CCDC73: variants seen among roughly 807,000 people sequenced by gnomAD.
The protein encoded by CCDC73 is coiled-coil domain containing 73.
A neutral mutation model predicts 116.5 loss-of-function variants in CCDC73; 95 were observed. The ratio of observed to expected loss-of-function variants is 0.82; its 90% CI spans 0.69 to 0.97. The LOEUF (loss-of-function observed/expected upper bound fraction) is 0.97. Ranked by LOEUF, CCDC73 falls within the 50% of genes least tolerant of loss-of-function variation. The pLI, the probability that CCDC73 is intolerant of heterozygous loss-of-function variation, is 0.00. For synonymous variants in CCDC73, 398 were observed against 401.3 expected, an observed-to-expected ratio of 0.99 and a Z score of 0.10; for missense variants, 1,066 against 1,206.8, an observed-to-expected ratio of 0.88 and a Z score of 1.73.
intron 14 of CCDC73, among the ~76,000 whole-genome samples, chr11:32,621,427 A>G (rs1260134775): frequency 1.3e-5 from 2 of 152,220 alleles, no homozygotes; most frequent in African/African-American, 4.8e-5. Flanking sequence ...TGGGGCAAAG[A>G]TTCCCTATTT....
chr11:32,752,698 A>G (rs1850296886), intron 2 of CCDC73, among the ~76,000 whole-genome samples: 1 of 152,066 alleles, frequency 6.6e-6, no homozygotes, highest in African/African-American at 2.4e-5. Context: ...GATTACTTGT[A>G]TTTCTTCATC....
the CCDC73 span, among the ~76,000 whole-genome samples, chr11:32,813,678 AT>A: frequency 1.3e-5 from 2 of 152,210 alleles, no homozygotes; most frequent in African/African-American, 4.8e-5. Context: ...TTTAATCCTT[AT>A]AATTTGCAAT....
chr11:32,673,413 T>C (rs1389847846), intron 9 of CCDC73, among the ~76,000 whole-genome samples: 1 of 152,070 alleles, frequency 6.6e-6, no homozygotes, highest in Admixed American at 6.5e-5. Context: ...TTAAATTATA[T>C]TAAAATAGTG....
At chr11:32,667,034 G>A (rs896138277) in intron 9 of CCDC73, among the ~76,000 whole-genome samples, 4 of 152,184 alleles carry the variant, frequency 2.6e-5, no homozygotes, top group Non-Finnish European at 5.9e-5. Context: ...CGTCTCAGAG[G>A]GGCACACGGT....
At chr11:32,720,237 A>G (rs917246992) in intron 2 of CCDC73, among the ~76,000 whole-genome samples, 1 of 152,194 alleles carries the variant, frequency 6.6e-6, no homozygotes, top group Non-Finnish European at 1.5e-5. Flanking sequence ...AACAGTTGAA[A>G]ATCAATCAGT....
At position 32,698,521 on chromosome 11, in the gene CCDC73, C is replaced by G. The variant is rs271025; in HGVS notation, c.390+730G>C. 6.6e-3 allele frequency among the ~76,000 whole-genome samples: 1,008 copies of G among 152,286 alleles called. 15 individuals carry two copies. Among genetic ancestry groups the G allele is most frequent in the African/African-American group, 0.023 (955 of 41,552 alleles). On this transcript the variant is annotated intron_variant, in intron 6 of 17. Coordinates refer to ENST00000335185, the MANE Select transcript of CCDC73 (RefSeq NM_001008391.4). Reference sequence around the variant, plus strand: ...CTGTTTCATTATTAACATTGCTAGACTCGATCACTTGATTGAAGTGGTGAC... The same window carrying G: ...CTGTTTCATTATTAACATTGCTAGAGTCGATCACTTGATTGAAGTGGTGAC...
chr11:32,613,293 T>C (rs910466508), intron 16 of CCDC73, 129 bp downstream of exon 16: 5 of 761,916 alleles, frequency 6.6e-6, no homozygotes, highest in Non-Finnish European at 8.2e-6. Context: ...AACAAAAGAA[T>C]ATTAAGTTGT....
intron 2 of CCDC73, among the ~76,000 whole-genome samples, chr11:32,751,685 G>A (rs534694130): frequency 2.0e-5 from 3 of 152,298 alleles, no homozygotes; most frequent in Admixed American, 2.0e-4. Context: ...GGAGATTCAA[G>A]ACTGTCTTTC....
intron 9 of CCDC73, among the ~76,000 whole-genome samples, chr11:32,667,152 A>C (rs966045903): frequency 6.6e-6 from 1 of 152,196 alleles, no homozygotes; most frequent in Non-Finnish European, 1.5e-5. Flanking sequence ...CTCAGATCTC[A>C]AACTCCGTGC....
At chr11:32,818,983 A>G in the CCDC73 span, among the ~76,000 whole-genome samples, 1 of 152,164 alleles carries the variant, frequency 6.6e-6, no homozygotes, top group Non-Finnish European at 1.5e-5. Flanking sequence ...CCATAATTAG[A>G]TAGCGGTGTT....
intron 1 of CCDC73, among the ~76,000 whole-genome samples, chr11:32,768,504 CA>C (rs1424595485): frequency 6.6e-6 from 1 of 151,670 alleles, no homozygotes; most frequent in Non-Finnish European, 1.5e-5. Context: ...AAAAAGAAAG[CA>C]AAGAGGAAAA....
At chr11:32,801,007 A>G in the CCDC73 span, among the ~76,000 whole-genome samples, 10 of 152,200 alleles carry the variant, frequency 6.6e-5, no homozygotes, top group African/African-American at 2.4e-4. Context: ...CACTTGCTCT[A>G]TTCCTTAGTC....
chr11:32,684,908 G>T (rs116357205), intron 6 of CCDC73, among the ~76,000 whole-genome samples: 2 of 152,136 alleles, frequency 1.3e-5, no homozygotes, highest in African/African-American at 4.8e-5. Context: ...TTGAGCCCGG[G>T]GGGTGGAGGT....
chr11:32,607,617 A>G lies in CCDC73; in HGVS notation c.3030+3515T>C, dbSNP rs575334326. ...CAAGCTTCATGTTTGTTTTGATTCT[A>G]TGACTTACCCAATTGGGCAAGGTTA... On this transcript the variant is annotated intron_variant, in intron 17 of 17. Transcript: ENST00000335185. 1.4e-4 allele frequency among the ~76,000 whole-genome samples: 21 copies of G among 151,148 alleles called. No individual in the cohort carries two copies. The East Asian group carries it at 4.1e-3, about 29-fold the overall frequency.
chr11:32,811,826 G>A, the CCDC73 span, among the ~76,000 whole-genome samples: 1 of 152,060 alleles, frequency 6.6e-6, no homozygotes, highest in East Asian at 1.9e-4. Flanking sequence ...CTCCCACTAG[G>A]CCTACCTCCA....
At chr11:32,698,797 ATTAG>A (rs1849781577) in intron 6 of CCDC73, among the ~76,000 whole-genome samples, 1 of 152,200 alleles carries the variant, frequency 6.6e-6, no homozygotes, top group Admixed American at 6.5e-5. Flanking sequence ...ATGAATCATC[ATTAG>A]TTAAATACTT....
At chr11:32,785,266 A>T (rs1190749059) in intron 1 of CCDC73, among the ~76,000 whole-genome samples, 1 of 152,240 alleles carries the variant, frequency 6.6e-6, no homozygotes, top group African/African-American at 2.4e-5. Context: ...AATTTTATGT[A>T]AATGTAAATA....
chr11:32,605,313 C>A (rs1855335027), intron 17 of CCDC73: 1 of 151,966 alleles, frequency 6.6e-6, no homozygotes, highest in African/African-American at 2.4e-5. Context: ...TACCTCTGAT[C>A]TTTGGGGTGA....
intron 6 of CCDC73, 31 bp from the exon 7 acceptor site, chr11:32,683,605 A>T: frequency 1.6e-6 from 2 of 1,282,926 alleles, no homozygotes; most frequent in Non-Finnish European, 2.2e-6. Flanking sequence ...AATCTCATTA[A>T]AATACTTTAA....
Sources: gnomAD v4.1 joint callset for allele counts (sites outside exome capture counted in the v4.1 genomes callset) on GRCh38, gnomAD v4.1.1 for gene constraint, MANE v1.5 for transcripts, NCBI Gene and HGNC (gene_info 2026-07-23, HGNC 2026-07-21) for gene names.